The following SERPINA6 variants were observed in gnomAD, a reference collection of about 807,000 sequenced individuals.
SERPINA6 encodes the protein serpin family A member 6, also known as corticosteroid-binding globulin.
Under a neutral mutation model 26.4 loss-of-function variants are expected in SERPINA6, and 19 were observed. That is an observed-to-expected ratio of 0.72 (90% confidence interval 0.50 to 1.06). The LOEUF (loss-of-function observed/expected upper bound fraction) is 1.06, where lower values mean the gene tolerates loss of function less well. Ranked by LOEUF, SERPINA6 falls within the 50% of genes least tolerant of loss-of-function variation. The pLI is 0.00. For synonymous variants in SERPINA6, 196 were observed against 199.4 expected, an observed-to-expected ratio of 0.98 and a Z score of 0.14; for missense variants, 473 against 504.0, an observed-to-expected ratio of 0.94 and a Z score of 0.59.
chr14:94,313,987 A>G (rs772415171), intron 2 of SERPINA6, 49 bp downstream of exon 2: 1 of 1,608,452 alleles, frequency 6.2e-7, no homozygotes, highest in Non-Finnish European at 8.5e-7. Context: ...AGCGGCTGTT[A>G]TTCCTGGCCA....
chr14:94,321,871 G>C (rs1895688596), intron 1 of SERPINA6, among the ~76,000 whole-genome samples: 1 of 152,172 alleles, frequency 6.6e-6, no homozygotes. Context: ...GCCCTGTGCG[G>C]TATGATGCCA....
intron 3 of SERPINA6, among the ~76,000 whole-genome samples, chr14:94,307,125 T>A (rs1180265155): frequency 2.6e-5 from 4 of 152,080 alleles, no homozygotes; most frequent in Non-Finnish European, 5.9e-5. Context: ...GTGTGTACCT[T>A]CTCCAGGTGC....
At chr14:94,309,382 T>C (rs1332032036) in intron 3 of SERPINA6, among the ~76,000 whole-genome samples, 2 of 152,166 alleles carry the variant, frequency 1.3e-5, no homozygotes, top group Admixed American at 1.3e-4. Flanking sequence ...TGGTTTCAGG[T>C]AAGCAAGATA....
intron 2 of SERPINA6, among the ~76,000 whole-genome samples, chr14:94,312,353 G>A (rs138165772): frequency 6.0e-4 from 91 of 152,256 alleles, no homozygotes; most frequent in South Asian, 1.2e-3. Context: ...CATCTCTCAG[G>A]CTCAGGAGGG....
intron 1 of SERPINA6, among the ~76,000 whole-genome samples, chr14:94,316,052 G>A (rs1014827650): frequency 6.6e-6 from 1 of 152,000 alleles, no homozygotes; most frequent in Non-Finnish European, 1.5e-5. Context: ...CATAAGTTTT[G>A]GTATGTTGTG....
chr14:94,319,856 A>G (rs1895659893), intron 1 of SERPINA6, among the ~76,000 whole-genome samples: 1 of 152,186 alleles, frequency 6.6e-6, no homozygotes, highest in Non-Finnish European at 1.5e-5. Flanking sequence ...GGATGATGAA[A>G]AAGTTCCGGA....
chr14:94,318,097 T>G (rs1049237165), intron 1 of SERPINA6, among the ~76,000 whole-genome samples: 1 of 152,044 alleles, frequency 6.6e-6, no homozygotes, highest in Admixed American at 6.5e-5. Flanking sequence ...AATAGTATGA[T>G]AAAGAATAAA....
chr14:94,309,679 C>T lies in SERPINA6; in HGVS notation c.884+57G>A. On this transcript the variant is annotated intron_variant, in intron 3 of 4. Transcript: ENST00000341584. ...CCCAGCATACTCCCTTTCCACGTGC[C>T]CCACTTTCTGGGGACACGTGCATTG... 4 of 1,599,444 alleles carry T rather than the reference C, an allele frequency of 2.5e-6. No individual in the cohort carries two copies. In the South Asian group the frequency reaches 4.4e-5, roughly 18 times the overall value.
At position 94,304,257 on chromosome 14, in the gene SERPINA6, C is replaced by T. The variant is rs1895401137; in HGVS notation, c.*161G>A. Reference sequence around the variant, plus strand: ...TTAACCACACCGGTCATCAGAGTCGCAATGACATTTATTAAAAGATGCCTA... The same window carrying T: ...TTAACCACACCGGTCATCAGAGTCGTAATGACATTTATTAAAAGATGCCTA... On this transcript the variant is annotated 3_prime_UTR_variant, in exon 5 of 5. Transcript: ENST00000341584. 1.3e-5 allele frequency: 10 copies of T among 755,942 alleles called. No individual in the cohort carries two copies. The South Asian group carries it at 1.5e-4, about 11-fold the overall frequency. 46.8% of individuals were successfully genotyped at this position (755,942 alleles called of 1,614,324 possible). A position where few individuals can be genotyped will look rare whatever the true frequency, so the allele number is the denominator to read the frequency against.
At chr14:94,306,491 G>T (rs1000847583) in intron 3 of SERPINA6, among the ~76,000 whole-genome samples, 1 of 152,206 alleles carries the variant, frequency 6.6e-6, no homozygotes, top group Non-Finnish European at 1.5e-5. Flanking sequence ...TTCCACCTGG[G>T]ATGCAGCTGG....
At chr14:94,311,554 C>T (rs1486227345) in intron 2 of SERPINA6, among the ~76,000 whole-genome samples, 3 of 151,750 alleles carry the variant, frequency 2.0e-5, no homozygotes, top group Non-Finnish European at 2.9e-5. Flanking sequence ...TTATTGGGGA[C>T]GATCTGAGAG....
rs759357980 is a variant in SERPINA6, at chr14:94,314,250, A to G, written c.399T>C (p.Leu133=). 2 of 1,614,226 alleles carry G rather than the reference A, an allele frequency of 1.2e-6. No individual in the cohort carries two copies. The highest frequency in any genetic ancestry group is 1.7e-5 in the Admixed American group (1 of 60,024). Residue 133 remains leucine (L), a synonymous_variant, in exon 2 of 5, where the codon CTT becomes CTC. Transcript: ENST00000341584. ...LEMTMGNALF[L]DGSLELLESF... is the part of the protein sequence containing the mutation. Reference sequence around the variant, plus strand: ...ACTCCAGCAACTCCAGGCTGCCATCAAGAAACAAGGCATTGCCCATGGTCA... The same window carrying G: ...ACTCCAGCAACTCCAGGCTGCCATCGAGAAACAAGGCATTGCCCATGGTCA...
At chr14:94,321,125 C>G (rs1348312032) in intron 1 of SERPINA6, among the ~76,000 whole-genome samples, 1 of 152,130 alleles carries the variant, frequency 6.6e-6, no homozygotes, top group African/African-American at 2.4e-5. Flanking sequence ...TCTAGCCTTA[C>G]CCATTTTTCT....
rs747049636 is a variant in SERPINA6 at position 94,309,749 on chromosome 14, C to T, written c.871G>A (p.Gly291Ser). Residue 291 changes from glycine (G) to serine (S), a missense_variant, in exon 3 of 5, where the codon GGC becomes AGC. Gly to Ser is a moderately conservative substitution (Grantham distance 56). Coordinates refer to ENST00000341584, the MANE Select transcript of SERPINA6 (RefSeq NM_001756.4). ...TGGAGGACTTACCTGCTGGTCAGGC[C>T]TGCGGACCACCTGTTAATCGTGTCC... ...SRDTINRWSA[G>S]LTSSQVDLYI... The T allele has an allele frequency of 6.2e-7, 1 of 1,614,108 alleles. No individual in the cohort carries two copies. The highest frequency in any genetic ancestry group is 2.2e-5 in the East Asian group (1 of 44,866).
intron 4 of SERPINA6, 24 bp from the exon 5 acceptor site, chr14:94,304,627 G>A (rs763077095): frequency 3.1e-6 from 5 of 1,603,292 alleles, no homozygotes; most frequent in Non-Finnish European, 4.3e-6. Flanking sequence ...AATGAAGATG[G>A]GTAGTGAGAC....
intron 2 of SERPINA6, among the ~76,000 whole-genome samples, chr14:94,312,722 A>G (rs1452608263): frequency 1.3e-5 from 2 of 152,218 alleles, no homozygotes; most frequent in African/African-American, 4.8e-5. Flanking sequence ...GGAAAGACCC[A>G]GAGGCAGGTA....
chr14:94,304,540 C>G lies in SERPINA6; in HGVS notation c.1096G>C (p.Val366Leu), dbSNP rs1003696988. 6.2e-7 allele frequency: 1 copy of G among 1,614,040 alleles called. No individual in the cohort carries two copies. Among genetic ancestry groups the G allele is most frequent in the South Asian group, 1.1e-5 (1 of 91,078 alleles). ...GGCTTGGACGTCAGGTTTAGGGTGA[C>G]CCCAGTGGAGCCAGCTGTGTCCACA... Reference protein sequence around the residue: ...EGVDTAGSTGVTLNLTSKPII... With the variant: ...EGVDTAGSTGLTLNLTSKPII... The change falls in exon 5 of 5, where the codon GTC becomes CTC. Residue 366 changes from valine to leucine, a missense_variant. By Grantham distance (32) the Val-to-Leu change is conservative. Coordinates refer to ENST00000341584, the MANE Select transcript of SERPINA6 (RefSeq NM_001756.4).
In SERPINA6 at chr14:94,309,845, C is replaced by T. The variant is rs1458251726; in HGVS notation, c.775G>A (p.Gly259Ser). ...AGGATGAAGAAGACAGTCCCATTGC[C>T]CACGTAGTTCATCTGCACCAGCTGG... is the stretch of plus-strand genomic sequence containing the variant. ...PCQLVQMNYV[G>S]NGTVFFILPD... Residue 259 changes from glycine (G) to serine (S), a missense_variant, in exon 3 of 5, where the codon GGC becomes AGC. Physicochemically the swap from Gly to Ser is moderately conservative, Grantham distance 56. Coordinates refer to ENST00000341584, the MANE Select transcript of SERPINA6 (RefSeq NM_001756.4). The T allele has an allele frequency of 1.9e-6, 3 of 1,614,042 alleles. No individual in the cohort carries two copies. Among genetic ancestry groups the T allele is most frequent in the Non-Finnish European group, 2.5e-6 (3 of 1,180,040 alleles).
chr14:94,315,190 A>G (rs1030165082), intron 1 of SERPINA6, among the ~76,000 whole-genome samples: 2 of 146,468 alleles, frequency 1.4e-5, no homozygotes, highest in Non-Finnish European at 3.1e-5. Context: ...GAATGAAGAA[A>G]TAAAAGACCT....
Sources: allele counts gnomAD v4.1 joint callset (sites outside exome capture counted in the v4.1 genomes callset), GRCh38; gene constraint gnomAD v4.1.1; transcripts MANE v1.5; gene names NCBI Gene and HGNC (gene_info 2026-07-23, HGNC 2026-07-21).